Variants in TAF7 observed in about 807,000 individuals in gnomAD.
TAF7 encodes transcription initiation factor TFIID subunit 7.
Under a neutral mutation model 25.3 loss-of-function variants are expected in TAF7, and 9 were observed. That is an observed-to-expected ratio of 0.36 (90% CI 0.21 to 0.62). The LOEUF (loss-of-function observed/expected upper bound fraction) is 0.62. TAF7 is among the 20% of genes least tolerant of loss of function. The pLI is 0.72. For missense variants in TAF7, 311 were observed against 410.6 expected, an observed-to-expected ratio of 0.76 and a Z score of 2.10; for synonymous variants, 127 against 146.7, an observed-to-expected ratio of 0.87 and a Z score of 0.97.
Position 141,319,757 on chromosome 5 carries a change from TAC to T in TAF7, c.286_287del (p.Val96IlefsTer4). The part of the protein sequence containing the change: ...YKTADICQML[V>X]STVDGDLYPP... ...GATAGAGATCACCATCAACTGTGGA[TAC>T]AAGCATCTGACAGATATCAGCTGTC... On this transcript the variant is annotated frameshift_variant, in exon 1 of 1. Coordinates refer to ENST00000313368, the MANE Select transcript of TAF7 (RefSeq NM_005642.3). LOFTEE classifies it high-confidence loss of function. The surrounding 1 kb of genome is among the most constrained non-coding windows in gnomAD (Gnocchi z 5.3). 6.2e-7 allele frequency: 1 copy of T among 1,614,170 alleles called. No individual in the cohort carries two copies. Among genetic ancestry groups the T allele is most frequent in the Non-Finnish European group, 8.5e-7 (1 of 1,180,036 alleles).
Position 141,320,106 on chromosome 5 carries a change from C to T in TAF7, c.-62G>A, listed in dbSNP as rs1588432938. On this transcript the variant is annotated 5_prime_UTR_variant, in exon 1 of 1. Transcript: ENST00000313368. ...TGGTTACACTAAAAAGTTCCAGCTA[C>T]TGCAATAGTTTAAAACACCAGTTTG... 6.3e-6 allele frequency: 9 copies of T among 1,435,238 alleles called. No homozygotes were observed. In the South Asian group the frequency reaches 7.9e-5, roughly 13 times the overall value. 88.9% of individuals were successfully genotyped at this position (1,435,238 alleles called of 1,614,324 possible).
Position 141,320,605 on chromosome 5 carries a change from C to A in TAF7, c.-561G>T, listed in dbSNP as rs929425540. On this transcript the variant is annotated 5_prime_UTR_variant, in exon 1 of 1. Coordinates refer to ENST00000313368, the MANE Select transcript of TAF7 (RefSeq NM_005642.3). ...AGGAGCCAAGCGGGAGAGAGCCGAG[C>A]GTCTCCTTGTCGTTTCCTTAATTCT... is the stretch of plus-strand genomic sequence containing the variant. The A allele has an allele frequency of 2.4e-5, 4 of 167,494 alleles. No homozygotes were observed. The highest frequency in any genetic ancestry group is 4.4e-5 in the Non-Finnish European group (3 of 68,424). 10.4% of individuals were successfully genotyped at this position (167,494 alleles called of 1,614,324 possible). A position where few individuals can be genotyped will look rare whatever the true frequency, so the allele number is the denominator to read the frequency against.
Position 141,319,738 on chromosome 5 carries a change from G to A in TAF7, c.307C>T (p.Leu103Phe). 1 of 1,614,120 alleles carries A rather than the reference G, an allele frequency of 6.2e-7. No individual in the cohort carries two copies. The highest frequency in any genetic ancestry group is 8.5e-7 in the Non-Finnish European group (1 of 1,180,024). ...ACTGGCTCCTCCACAGGAGGATAGA[G>A]ATCACCATCAACTGTGGATACAAGC... is the stretch of plus-strand genomic sequence containing the variant. ...QMLVSTVDGD[L>F]YPPVEEPVAS... Residue 103 changes from leucine (L) to phenylalanine (F), a missense_variant, in exon 1 of 1, where the codon CTC (leucine) becomes TTC (phenylalanine). This residue lies in a region of TAF7 where 119 missense variants were observed against 159.3 expected (regional missense o/e 0.75). Coordinates refer to ENST00000313368, the MANE Select transcript of TAF7 (RefSeq NM_005642.3). The surrounding 1 kb of genome is among the most constrained non-coding windows in gnomAD (Gnocchi z 5.3).
Position 141,319,224 on chromosome 5 carries a change from G to A in TAF7, c.821C>T (p.Thr274Ile). ...CTGAATTCCCATAACCAGCTGATTG[G>A]TTCCTTCATTTTCCTGGTGCTGTTC... ...SDEQHQENEG[T>I]NQLVMGIQKQ... The change falls in exon 1 of 1, where the codon ACC (threonine) becomes ATC (isoleucine). Residue 274 changes from threonine (T) to isoleucine (I), a missense_variant. Transcript: ENST00000313368. The surrounding 1 kb of genome is among the most constrained non-coding windows in gnomAD (Gnocchi z 5.3). 1.2e-6 allele frequency: 2 copies of A among 1,613,972 alleles called. No homozygotes were observed. The highest frequency in any genetic ancestry group is 1.7e-6 in the Non-Finnish European group (2 of 1,180,006).
Position 141,320,257 on chromosome 5 carries a change from C to T in TAF7, c.-213G>A. Reference sequence around the variant, plus strand: ...AAATATGCTGTGACCGAATACCAGTCGTTAACACAAAGGCTTATTCACAGA... The same window carrying T: ...AAATATGCTGTGACCGAATACCAGTTGTTAACACAAAGGCTTATTCACAGA... On this transcript the variant is annotated 5_prime_UTR_variant, in exon 1 of 1. Transcript: ENST00000313368. 1 of 576,304 alleles carries T rather than the reference C, an allele frequency of 1.7e-6. No homozygotes were observed. Among genetic ancestry groups the T allele is most frequent in the Non-Finnish European group, 3.1e-6 (1 of 319,662 alleles). The allele number at this position is 576,304 out of a possible 1,614,324, so 35.7% of individuals were successfully genotyped here.
chr5:141,318,974 G>A lies in TAF7; in HGVS notation c.*21C>T. 6.4e-7 allele frequency: 1 copy of A among 1,553,924 alleles called. No homozygotes were observed. ...TCTAATGCTGACCAGTCTGAAGACT[G>A]AAATTAAATATCAGTTCTTTTTACT... On this transcript the variant is annotated 3_prime_UTR_variant, in exon 1 of 1. Transcript: ENST00000313368.
At position 141,319,989 on chromosome 5, in the gene TAF7, C is replaced by T. The variant is rs1756134239; in HGVS notation, c.56G>A (p.Arg19His). Reference sequence around the variant, plus strand: ...AGTAGAGGCATATTCTGGAGGCAGACGTAAGATAAACTGGCTCTCCAGTTC... The same window carrying T: ...AGTAGAGGCATATTCTGGAGGCAGATGTAAGATAAACTGGCTCTCCAGTTC... Reference protein sequence around the residue: ...PHELESQFILRLPPEYASTVR... With the variant: ...PHELESQFILHLPPEYASTVR... The change falls in exon 1 of 1, where the codon CGT (arginine) becomes CAT (histidine). Residue 19 changes from arginine to histidine, a missense_variant. By Grantham distance (29) the Arg-to-His change is conservative (BLOSUM62 0). Coordinates refer to ENST00000313368, the MANE Select transcript of TAF7 (RefSeq NM_005642.3). The surrounding 1 kb of genome is among the most constrained non-coding windows in gnomAD (Gnocchi z 5.3). The T allele has an allele frequency of 6.2e-7, 1 of 1,614,026 alleles. No individual in the cohort carries two copies. The highest frequency in any genetic ancestry group is 8.5e-7 in the Non-Finnish European group (1 of 1,180,000).
rs1042086901 is a variant in TAF7 at position 141,318,824 on chromosome 5, A to C, written c.*171T>G. On this transcript the variant is annotated 3_prime_UTR_variant, in exon 1 of 1. Transcript: ENST00000313368. ...GCTTCTTATAGGATGAACACCTAGC[A>C]AAACAATATAAATTTGCTGAAAAAC... 1.7e-6 allele frequency: 1 copy of C among 597,132 alleles called. No homozygotes were observed. The highest frequency in any genetic ancestry group is 2.8e-6 in the Non-Finnish European group (1 of 360,990). The allele number at this position is 597,132 out of a possible 1,614,324, so 37.0% of individuals were successfully genotyped here.
chr5:141,320,000 C>T lies in TAF7; in HGVS notation c.45G>A (p.Gln15=). 1.2e-6 allele frequency: 2 copies of T among 1,613,912 alleles called. No homozygotes were observed. The highest frequency in any genetic ancestry group is 8.5e-7 in the Non-Finnish European group (1 of 1,179,884). ...KDDAPHELES[Q]FILRLPPEYA... Reference sequence around the variant, plus strand: ...ATTCTGGAGGCAGACGTAAGATAAACTGGCTCTCCAGTTCGTGAGGAGCAT... The same window carrying T: ...ATTCTGGAGGCAGACGTAAGATAAATTGGCTCTCCAGTTCGTGAGGAGCAT... The change falls in exon 1 of 1, where the codon CAG becomes CAA. Residue 15 remains glutamine, a synonymous_variant. Transcript: ENST00000313368. This position sits in a 1 kb window ranked among gnomAD's most constrained non-coding sequence, Gnocchi z 5.3.
Position 141,319,466 on chromosome 5 carries a change from T to G in TAF7, c.579A>C (p.Glu193Asp). The stretch of plus-strand genomic sequence containing the variant: ...GAGAAGAGATATCCAGGCCTTGATT[T>G]TCTGCCTCCTTTGTTTCATCTTCGG... ...IIAEDETKEA[E>D]NQGLDISSPG... Residue 193 changes from glutamate to aspartate, a missense_variant, in exon 1 of 1, where the codon GAA becomes GAC. Coordinates refer to ENST00000313368, the MANE Select transcript of TAF7 (RefSeq NM_005642.3). The surrounding 1 kb of genome is among the most constrained non-coding windows in gnomAD (Gnocchi z 5.3). The G allele has an allele frequency of 1.2e-6, 2 of 1,614,198 alleles. No individual in the cohort carries two copies. The highest frequency in any genetic ancestry group is 1.7e-6 in the Non-Finnish European group (2 of 1,180,032).
Position 141,319,970 on chromosome 5 carries a change from G to A in TAF7, c.75C>T (p.Ala25=). 5.6e-6 allele frequency: 9 copies of A among 1,614,098 alleles called. No individual in the cohort carries two copies. Among genetic ancestry groups the A allele is most frequent in the Non-Finnish European group, 6.8e-6 (8 of 1,180,022 alleles). Residue 25 remains alanine (A), a synonymous_variant, in exon 1 of 1, where the codon GCC becomes GCT. Coordinates refer to ENST00000313368, the MANE Select transcript of TAF7 (RefSeq NM_005642.3). This position sits in a 1 kb window ranked among gnomAD's most constrained non-coding sequence, Gnocchi z 5.3. ...ACTGTACTGCCCTTCTCACAGTAGA[G>A]GCATATTCTGGAGGCAGACGTAAGA... ...QFILRLPPEY[A]STVRRAVQSG... is the part of the protein sequence containing the mutation.
In TAF7 at chr5:141,319,796, T is replaced by TAA; in HGVS notation, c.248_249insTT (p.Lys83AsnfsTer2). The TAA allele has an allele frequency of 6.2e-7, 1 of 1,614,134 alleles. No homozygotes were observed. The highest frequency in any genetic ancestry group is 8.5e-7 in the Non-Finnish European group (1 of 1,180,044). On this transcript the variant is annotated frameshift_variant, in exon 1 of 1. Coordinates refer to ENST00000313368, the MANE Select transcript of TAF7 (RefSeq NM_005642.3). LOFTEE classifies it high-confidence loss of function. The surrounding 1 kb of genome is among the most constrained non-coding windows in gnomAD (Gnocchi z 5.3). ...AGATATCAGCTGTCTTGTAAAAAGTTTTTTTATCAATGGTTTTCAAGCTTT... is the reference window on the plus strand; with the variant it reads ...AGATATCAGCTGTCTTGTAAAAAGTTAATTTTTATCAATGGTTTTCAAGCTTT...
chr5:141,319,266 T>C lies in TAF7; in HGVS notation c.779A>G (p.Lys260Arg). 1.2e-6 allele frequency: 2 copies of C among 1,614,114 alleles called. No homozygotes were observed. Among genetic ancestry groups the C allele is most frequent in the Non-Finnish European group, 1.7e-6 (2 of 1,180,036 alleles). The change falls in exon 1 of 1, where the codon AAG becomes AGG. Residue 260 changes from lysine (K) to arginine (R), a missense_variant. Coordinates refer to ENST00000313368, the MANE Select transcript of TAF7 (RefSeq NM_005642.3). This position sits in a 1 kb window ranked among gnomAD's most constrained non-coding sequence, Gnocchi z 5.3. ...GTGCTGTTCATCTGATTCATTTAGC[T>C]TGTCCTGTAGCTGTCTCTCCAGATC... ...EEDLERQLQD[K>R]LNESDEQHQE... is the part of the protein sequence containing the mutation.
Position 141,320,770 on chromosome 5 carries a change from A to T in TAF7, c.-726T>A, listed in dbSNP as rs1188891660. 1.2e-5 allele frequency: 2 copies of T among 167,138 alleles called. No individual in the cohort carries two copies. Among genetic ancestry groups the T allele is most frequent in the African/African-American group, 4.8e-5 (2 of 41,484 alleles). 10.4% of individuals were successfully genotyped at this position (167,138 alleles called of 1,614,324 possible). A position where few individuals can be genotyped will look rare whatever the true frequency, so the allele number is the denominator to read the frequency against. The stretch of plus-strand genomic sequence containing the variant: ...GGCCCTCCGTCCGGGTCGCCTACCC[A>T]GCAAAAACGGAAGTGCTACGTCGCG... On this transcript the variant is annotated 5_prime_UTR_variant, in exon 1 of 1. Transcript: ENST00000313368.
Position 141,319,470 on chromosome 5 carries a change from GCCT to G in TAF7, c.572_574del (p.Glu191del), listed in dbSNP as rs767890795. On this transcript the variant is annotated inframe_deletion, in exon 1 of 1. Coordinates refer to ENST00000313368, the MANE Select transcript of TAF7 (RefSeq NM_005642.3). The surrounding 1 kb of genome is among the most constrained non-coding windows in gnomAD (Gnocchi z 5.3). ...AGAGATATCCAGGCCTTGATTTTCTGCCTCCTTTGTTTCATCTTCGGCAATTAT... is the reference window on the plus strand; with the variant it reads ...AGAGATATCCAGGCCTTGATTTTCTGCCTTTGTTTCATCTTCGGCAATTAT... 1 of 1,613,946 alleles carries G rather than the reference GCCT, an allele frequency of 6.2e-7. No individual in the cohort carries two copies.
Position 141,319,310 on chromosome 5 carries a change from G to A in TAF7, c.735C>T (p.Asn245=). The change falls in exon 1 of 1, where the codon AAC becomes AAT. Residue 245 remains asparagine, a synonymous_variant. Transcript: ENST00000313368. The surrounding 1 kb of genome is among the most constrained non-coding windows in gnomAD (Gnocchi z 5.3). The part of the protein sequence containing the change: ...ETQHQDEEDI[N]IIDTEEDLER... ...CCAGATCTTCCTCCGTGTCAATGAT[G>A]TTTATATCTTCTTCATCTTGATGCT... 6.2e-7 allele frequency: 1 copy of A among 1,613,962 alleles called. No individual in the cohort carries two copies. The highest frequency in any genetic ancestry group is 2.2e-5 in the East Asian group (1 of 44,870).
Position 141,318,605 on chromosome 5 carries a change from C to T in TAF7, c.*390G>A. ...GGAAAACAATTATTGCATAGGAAAA[C>T]ATATGCAAACTAGCATCATTGTCTC... On this transcript the variant is annotated 3_prime_UTR_variant, in exon 1 of 1. Transcript: ENST00000313368. 6.3e-6 allele frequency: 1 copy of T among 159,658 alleles called. No homozygotes were observed. The highest frequency in any genetic ancestry group is 1.4e-5 in the Non-Finnish European group (1 of 73,330). The allele number at this position is 159,658 out of a possible 1,614,324, so 9.9% of individuals were successfully genotyped here. A position where few individuals can be genotyped will look rare whatever the true frequency, so the allele number is the denominator to read the frequency against.
chr5:141,319,084 C>T lies in TAF7; in HGVS notation c.961G>A (p.Val321Ile), dbSNP rs376114900. Reference protein sequence around the residue: ...NLALKNRFQAVLDELKQKEDR... With the variant: ...NLALKNRFQAILDELKQKEDR... Reference sequence around the variant, plus strand: ...TCCTTTTGTTTGAGCTCATCCAGTACAGCCTGAAATCTGTTCTTGAGAGCC... The same window carrying T: ...TCCTTTTGTTTGAGCTCATCCAGTATAGCCTGAAATCTGTTCTTGAGAGCC... The change falls in exon 1 of 1, where the codon GTA becomes ATA. Residue 321 changes from valine (V) to isoleucine (I), a missense_variant. This residue lies in a region of TAF7 where 179 missense variants were observed against 206.7 expected (regional missense o/e 0.87). Coordinates refer to ENST00000313368, the MANE Select transcript of TAF7 (RefSeq NM_005642.3). The surrounding 1 kb of genome is among the most constrained non-coding windows in gnomAD (Gnocchi z 5.3). The T allele has an allele frequency of 1.4e-4, 220 of 1,614,066 alleles. No individual in the cohort carries two copies. Among genetic ancestry groups the T allele is most frequent in the Non-Finnish European group, 1.8e-4 (208 of 1,180,038 alleles).
chr5:141,320,150 T>C lies in TAF7; in HGVS notation c.-106A>G. The C allele has an allele frequency of 4.0e-6, 4 of 1,004,888 alleles. No individual in the cohort carries two copies. Among genetic ancestry groups the C allele is most frequent in the Non-Finnish European group, 4.3e-6 (3 of 689,686 alleles). 62.2% of individuals were successfully genotyped at this position (1,004,888 alleles called of 1,614,324 possible). A position where few individuals can be genotyped will look rare whatever the true frequency, so the allele number is the denominator to read the frequency against. On this transcript the variant is annotated 5_prime_UTR_variant, in exon 1 of 1. Transcript: ENST00000313368. ...CAGTTTGCTATGAATTGAAATCTTT[T>C]AATTACAAGAAGTTCTCTGTAGATC...
Sources: gnomAD v4.1 joint callset for allele counts on GRCh38, gnomAD v4.1.1 for gene constraint, gnomAD v4.1.1 regional missense constraint, Gnocchi (gnomAD v3.1) non-coding constraint, MANE v1.5 for transcripts, NCBI Gene and HGNC (gene_info 2026-07-23, HGNC 2026-07-21) for gene names.